MAP2K4: variants seen among roughly 807,000 people sequenced by gnomAD.
MAP2K4 encodes the protein mitogen-activated protein kinase kinase 4.
In MAP2K4, 4 loss-of-function variants were observed where a neutral mutation model predicts 48.5. That is an observed-to-expected ratio of 0.08 (90% CI 0.04 to 0.19). The LOEUF (loss-of-function observed/expected upper bound fraction) is 0.19. Among genes scored for constraint, MAP2K4 ranks in the 10% least tolerant of loss-of-function variants. The probability of loss-of-function intolerance (pLI) is 1.00; values close to 1 mark genes in which losing one functional copy is unlikely to be tolerated. For synonymous variants in MAP2K4, 166 were observed against 173.1 expected (o/e 0.96, Z 0.32); for missense variants, 258 against 493.3 (o/e 0.52, Z 4.52).
chr17:12,097,655 A>G (rs943910436), intron 4 of MAP2K4, among the ~76,000 whole-genome samples: 3 of 152,200 alleles, frequency 2.0e-5, no homozygotes, highest in African/African-American at 7.2e-5. Context: ...GTTTTCACAT[A>G]TGTTTTCTTC....
At chr17:12,115,673 A>G in intron 7 of MAP2K4, 1 of 756,894 alleles carries the variant, frequency 1.3e-6, no homozygotes, top group Non-Finnish European at 2.5e-6. Flanking sequence ...GAACCAGTGG[A>G]ACACAAATGT....
chr17:12,077,028 T>C (rs371263584), intron 2 of MAP2K4, among the ~76,000 whole-genome samples: 1 of 152,192 alleles, frequency 6.6e-6, no homozygotes, highest in African/African-American at 2.4e-5. Context: ...TGAGGCAGGA[T>C]GCTTTACTGA....
Position 12,141,523 on chromosome 17 carries a change from C to A in MAP2K4, c.*263C>A. On this transcript the variant is annotated 3_prime_UTR_variant, in exon 11 of 11. Transcript: ENST00000353533. ...GAACATATTCATGAAATGTGGAAGT[C>A]AGTACGATCAAGTTGTTGACTGTGA... 2.1e-6 allele frequency: 1 copy of A among 477,720 alleles called. No individual in the cohort carries two copies. The highest frequency in any genetic ancestry group is 3.6e-5 in the Admixed American group (1 of 27,790). The allele number at this position is 477,720 out of a possible 1,614,324, so 29.6% of individuals were successfully genotyped here. A position where few individuals can be genotyped will look rare whatever the true frequency, so the allele number is the denominator to read the frequency against.
At chr17:12,023,917 A>G (rs1339053279) in intron 1 of MAP2K4, among the ~76,000 whole-genome samples, 1 of 152,188 alleles carries the variant, frequency 6.6e-6, no homozygotes, top group East Asian at 1.9e-4. Context: ...TGTAGTAAGG[A>G]TGCAATACAC....
chr17:12,104,329 C>T (rs1251877733), intron 4 of MAP2K4, among the ~76,000 whole-genome samples: 3 of 151,916 alleles, frequency 2.0e-5, no homozygotes, highest in Non-Finnish European at 2.9e-5. Context: ...CCTTTCTATA[C>T]TTTAAAGACT....
At position 12,131,441 on chromosome 17, in the gene MAP2K4, T is replaced by C. The variant is rs1356394179; in HGVS notation, c.1040+2154T>C. On this transcript the variant is annotated intron_variant, in intron 9 of 10. Coordinates refer to ENST00000353533, the MANE Select transcript of MAP2K4 (RefSeq NM_003010.4). ...TTTTTTTTTTTAAGTAGAGACAGTTTTCACCATGTTGGCCAGGCTGATCTC... is the reference window on the plus strand; with the variant it reads ...TTTTTTTTTTTAAGTAGAGACAGTTCTCACCATGTTGGCCAGGCTGATCTC... Among the ~76,000 whole-genome samples, 8 of 151,854 alleles carry C rather than the reference T, an allele frequency of 5.3e-5. 1 individual carries two copies. Among genetic ancestry groups the C allele is most frequent in the Non-Finnish European group, 2.9e-5 (2 of 67,968 alleles).
intron 3 of MAP2K4, among the ~76,000 whole-genome samples, chr17:12,086,255 G>A (rs1050674466): frequency 6.6e-6 from 1 of 152,120 alleles, no homozygotes; most frequent in Non-Finnish European, 1.5e-5. Context: ...ACTTACTTAA[G>A]GCATCTGTGA....
At chr17:12,072,328 A>G (rs772797104) in intron 2 of MAP2K4, among the ~76,000 whole-genome samples, 11 of 152,194 alleles carry the variant, frequency 7.2e-5, no homozygotes, top group Non-Finnish European at 1.3e-4. Flanking sequence ...ATGAAGCCCA[A>G]TACAGTATTT....
chr17:12,025,855 G>T (rs1472689458), intron 1 of MAP2K4, among the ~76,000 whole-genome samples: 1 of 152,042 alleles, frequency 6.6e-6, no homozygotes, highest in Non-Finnish European at 1.5e-5. Context: ...TTTTGATTTT[G>T]TTTATCTGTT....
intron 1 of MAP2K4, among the ~76,000 whole-genome samples, chr17:12,040,084 G>C (rs139029893): frequency 6.6e-6 from 1 of 152,288 alleles, no homozygotes; most frequent in East Asian, 1.9e-4. Flanking sequence ...TGGAGCTCTT[G>C]TTAAGATAAA....
intron 4 of MAP2K4, among the ~76,000 whole-genome samples, chr17:12,098,122 C>T (rs1459013800): frequency 6.6e-6 from 1 of 152,092 alleles, no homozygotes; most frequent in East Asian, 1.9e-4. Context: ...AAAAGTGTTA[C>T]TTTTATTAGT....
chr17:12,085,393 A>T (rs1354250872), intron 3 of MAP2K4, among the ~76,000 whole-genome samples: 1 of 151,698 alleles, frequency 6.6e-6, no homozygotes, highest in Admixed American at 6.6e-5. Flanking sequence ...CATTATGATG[A>T]CTTTTCAGTC....
chr17:12,059,001 A>C (rs1278993742), intron 2 of MAP2K4, among the ~76,000 whole-genome samples: 1 of 152,076 alleles, frequency 6.6e-6, no homozygotes. Context: ...TAATTCTTTT[A>C]ATTTATTGCT....
At chr17:12,077,057 A>G (rs1053343652) in intron 2 of MAP2K4, among the ~76,000 whole-genome samples, 3 of 152,256 alleles carry the variant, frequency 2.0e-5, no homozygotes, top group African/African-American at 7.2e-5. Flanking sequence ...TAACCAGGGT[A>G]TCAAACATCA....
intron 5 of MAP2K4, 72 bp downstream of exon 5, chr17:12,107,981 A>G (rs897621733): frequency 9.9e-6 from 13 of 1,315,604 alleles, no homozygotes; most frequent in African/African-American, 6.1e-5. Flanking sequence ...TTTTGAATGC[A>G]CATATTTGAG....
chr17:12,039,368 A>G (rs1969704023), intron 1 of MAP2K4, among the ~76,000 whole-genome samples: 1 of 152,206 alleles, frequency 6.6e-6, no homozygotes, highest in African/African-American at 2.4e-5. Context: ...GTTAGAAGAA[A>G]GATTTAATTT....
At position 12,023,279 on chromosome 17, in the gene MAP2K4, T is replaced by C. The variant is rs538952075; in HGVS notation, c.115+2278T>C. Among the ~76,000 whole-genome samples the C allele has an allele frequency of 2.6e-5, 4 of 152,306 alleles. No individual in the cohort carries two copies. In the East Asian group the frequency reaches 7.7e-4, roughly 29 times the overall value. ...AGCAGCAATTTAGGATCCTTCTTTT[T>C]GGTTTGTTTTGTTCTGTATCTTAAT... On this transcript the variant is annotated intron_variant, in intron 1 of 10. Coordinates refer to ENST00000353533, the MANE Select transcript of MAP2K4 (RefSeq NM_003010.4).
At chr17:12,120,730 A>G (rs150957213) in intron 7 of MAP2K4, among the ~76,000 whole-genome samples, 2 of 152,320 alleles carry the variant, frequency 1.3e-5, no homozygotes, top group East Asian at 3.9e-4. Context: ...GCCATCTAGC[A>G]GAATGCCTCC....
intron 4 of MAP2K4, among the ~76,000 whole-genome samples, chr17:12,099,760 C>CA (rs764489543): frequency 4.6e-5 from 7 of 152,072 alleles, no homozygotes; most frequent in East Asian, 3.8e-4. Context: ...CTATATTTTA[C>CA]AAAAAAGACC....
Sources: gnomAD v4.1 joint callset for allele counts (sites outside exome capture counted in the v4.1 genomes callset) on GRCh38, gnomAD v4.1.1 for gene constraint, MANE v1.5 for transcripts, NCBI Gene and HGNC (gene_info 2026-07-23, HGNC 2026-07-21) for gene names.